DIS3L2: variants seen among roughly 807,000 people sequenced by gnomAD.
DIS3L2 encodes DIS3-like exonuclease 2.
A neutral mutation model predicts 97.5 loss-of-function variants in DIS3L2; 34 were observed. The ratio of observed to expected loss-of-function variants is 0.35; its 90% CI spans 0.27 to 0.46. The LOEUF (loss-of-function observed/expected upper bound fraction) is 0.46. Ranked by LOEUF, DIS3L2 falls within the 20% of genes least tolerant of loss-of-function variation. The pLI is 1.00. For synonymous variants in DIS3L2, 435 were observed against 445.2 expected (o/e 0.98, Z 0.29); for missense variants, 1,038 against 1,146.0 (o/e 0.91, Z 1.36).
chr2:232,263,511 C>T, intron 13 of DIS3L2, 71 bp downstream of exon 13: 1 of 1,455,826 alleles, frequency 6.9e-7, no homozygotes, highest in East Asian at 2.4e-5. Flanking sequence ...ATGAGCGCAG[C>T]TTGGCAGGCT....
At chr2:231,992,518 T>C (rs1197588251) in intron 1 of DIS3L2, among the ~76,000 whole-genome samples, 2 of 152,182 alleles carry the variant, frequency 1.3e-5, no homozygotes, top group Non-Finnish European at 2.9e-5. Flanking sequence ...TGCTTCCACC[T>C]TTCCCGCTTC....
intron 13 of DIS3L2, among the ~76,000 whole-genome samples, chr2:232,277,968 G>A (rs1694185884): frequency 6.6e-6 from 1 of 150,940 alleles, no homozygotes; most frequent in Non-Finnish European, 1.5e-5. Flanking sequence ...TGGGACCACT[G>A]GCAGATATGG....
chr2:232,055,904 T>G (rs1411767826), intron 5 of DIS3L2, among the ~76,000 whole-genome samples: 1 of 152,224 alleles, frequency 6.6e-6, no homozygotes, highest in African/African-American at 2.4e-5. Flanking sequence ...CAAGGCTGAT[T>G]GGCTACCCAC....
intron 9 of DIS3L2, among the ~76,000 whole-genome samples, chr2:232,193,623 C>CA (rs1691673122): frequency 6.6e-6 from 1 of 152,196 alleles, no homozygotes; most frequent in African/African-American, 2.4e-5. Flanking sequence ...TTTATGTCCC[C>CA]ATTTCATCTA....
At chr2:232,315,642 G>A (rs1195793317) in intron 14 of DIS3L2, among the ~76,000 whole-genome samples, 1 of 152,136 alleles carries the variant, frequency 6.6e-6, no homozygotes, top group Non-Finnish European at 1.5e-5. Flanking sequence ...GGCTATCAAT[G>A]GCTATAAATC....
intron 6 of DIS3L2, among the ~76,000 whole-genome samples, chr2:232,122,617 C>G (rs930841077): frequency 3.3e-5 from 5 of 152,100 alleles, no homozygotes; most frequent in East Asian, 1.9e-4. Flanking sequence ...ACTCGGGAGG[C>G]TGAGGCAGGA....
At chr2:231,984,980 A>G (rs1022066203) in intron 1 of DIS3L2, among the ~76,000 whole-genome samples, 3 of 152,240 alleles carry the variant, frequency 2.0e-5, no homozygotes, top group Non-Finnish European at 4.4e-5. Context: ...GAAATAATGT[A>G]GAGAAATCCC....
intron 6 of DIS3L2, among the ~76,000 whole-genome samples, chr2:232,107,348 A>G (rs1697383026): frequency 6.6e-6 from 1 of 152,204 alleles, no homozygotes; most frequent in South Asian, 2.1e-4. Flanking sequence ...AATAAAATAG[A>G]TAGACCACCA....
chr2:231,961,795 C>G (rs900692269), intron 1 of DIS3L2, 30 bp downstream of exon 1: 1 of 152,880 alleles, frequency 6.5e-6, no homozygotes, highest in South Asian at 2.1e-4. Context: ...GCCCCCTGCA[C>G]CGCCTAGTGC....
At chr2:232,344,142 C>T (rs1452544019) in exon 14 of DIS3L2, 2 of 152,282 alleles carry the variant, frequency 1.3e-5, no homozygotes, top group African/African-American at 4.8e-5. Flanking sequence ...ACACTAAACT[C>T]GTGGAGGGTC....
intron 6 of DIS3L2, among the ~76,000 whole-genome samples, chr2:232,089,709 C>T (rs911725687): frequency 6.6e-6 from 1 of 152,204 alleles, no homozygotes; most frequent in Non-Finnish European, 1.5e-5. Flanking sequence ...CAGATCTCAG[C>T]AGCCTCTTTT....
chr2:232,038,615 T>G (rs1246937160), intron 5 of DIS3L2, among the ~76,000 whole-genome samples: 2 of 152,220 alleles, frequency 1.3e-5, no homozygotes, highest in Non-Finnish European at 2.9e-5. Flanking sequence ...ATTGTTTTCC[T>G]TGTTTCTCAC....
chr2:232,015,708 T>C (rs1192196544), intron 3 of DIS3L2, 37 bp downstream of exon 3: 1 of 1,606,846 alleles, frequency 6.2e-7, no homozygotes, highest in Non-Finnish European at 8.5e-7. Flanking sequence ...TCTCTGAATA[T>C]GTAGAATCCA....
chr2:232,203,416 A>C (rs1691948823), intron 9 of DIS3L2, among the ~76,000 whole-genome samples: 1 of 152,226 alleles, frequency 6.6e-6, no homozygotes. Context: ...ACACCCTTGG[A>C]AACAATAACA....
At chr2:232,103,791 G>C (rs191447676) in intron 6 of DIS3L2, among the ~76,000 whole-genome samples, 1 of 152,284 alleles carries the variant, frequency 6.6e-6, no homozygotes, top group East Asian at 1.9e-4. Context: ...ACATGGGCTA[G>C]AGCTTTCTTT....
intron 5 of DIS3L2, among the ~76,000 whole-genome samples, chr2:232,071,698 G>C (rs1025459389): frequency 6.6e-6 from 1 of 152,104 alleles, no homozygotes; most frequent in Non-Finnish European, 1.5e-5. Flanking sequence ...CCAAAGAATA[G>C]AGAAGTAGTT....
At chr2:232,072,314 A>T (rs922861706) in intron 5 of DIS3L2, among the ~76,000 whole-genome samples, 1 of 152,172 alleles carries the variant, frequency 6.6e-6, no homozygotes, top group Admixed American at 6.6e-5. Flanking sequence ...AAGGATTGAG[A>T]TTTTAAATAG....
At chr2:232,165,901 A>T (rs923324317) in intron 9 of DIS3L2, among the ~76,000 whole-genome samples, 1 of 151,902 alleles carries the variant, frequency 6.6e-6, no homozygotes, top group African/African-American at 2.4e-5. Context: ...GAAGTATTCC[A>T]TTTTTTCTAG....
At chr2:231,970,999 G>T (rs1005490980) in intron 1 of DIS3L2, among the ~76,000 whole-genome samples, 2 of 152,032 alleles carry the variant, frequency 1.3e-5, no homozygotes, top group Non-Finnish European at 2.9e-5. Context: ...CATAGAGTCA[G>T]GTTCATCAGT....
Sources: allele counts gnomAD v4.1 joint callset (sites outside exome capture counted in the v4.1 genomes callset), GRCh38; gene constraint gnomAD v4.1.1; transcripts MANE v1.5; gene names NCBI Gene and HGNC (gene_info 2026-07-23, HGNC 2026-07-21).